Variants in FAM227B observed in about 807,000 individuals in gnomAD.
FAM227B encodes the protein protein FAM227B.
Under a neutral mutation model 73.8 loss-of-function variants are expected in FAM227B, and 88 were observed. The observed-to-expected ratio is 1.19, with a 90% CI of 1.00 to 1.42. The LOEUF is 1.42. Ranked by LOEUF, FAM227B falls within the 40% of genes most tolerant of loss-of-function variation. The pLI is 0.00. For synonymous variants in FAM227B, 210 were observed against 190.5 expected (o/e 1.10, Z -0.84); for missense variants, 632 against 590.9 (o/e 1.07, Z -0.72).
chr15:49,328,455 A>T lies in FAM227B; in HGVS notation c.*113T>A. On this transcript the variant is annotated 3_prime_UTR_variant, in exon 16 of 16. Coordinates refer to ENST00000299338, the MANE Select transcript of FAM227B (RefSeq NM_152647.3). ...ATTTTAAAGATGAATGGTAAAACACACTCTTAATACTGATTACATGGATTG... is the reference window on the plus strand; with the variant it reads ...ATTTTAAAGATGAATGGTAAAACACTCTCTTAATACTGATTACATGGATTG... The T allele has an allele frequency of 1.4e-6, 2 of 1,467,072 alleles. No individual in the cohort carries two copies. The highest frequency in any genetic ancestry group is 9.0e-7 in the Non-Finnish European group (1 of 1,109,224). 90.9% of individuals were successfully genotyped at this position (1,467,072 alleles called of 1,614,324 possible).
At chr15:49,482,823 G>A (rs1184340496) in intron 11 of FAM227B, among the ~76,000 whole-genome samples, 3 of 151,904 alleles carry the variant, frequency 2.0e-5, no homozygotes, top group East Asian at 3.9e-4. Flanking sequence ...TGTGGTATGA[G>A]TTCAATAAAC....
At chr15:49,536,152 AG>A (rs1403468232) in intron 10 of FAM227B, among the ~76,000 whole-genome samples, 2 of 151,802 alleles carry the variant, frequency 1.3e-5, no homozygotes, top group Non-Finnish European at 3.0e-5. Flanking sequence ...CTGTATTTAC[AG>A]ATGACATAAT....
intron 9 of FAM227B, among the ~76,000 whole-genome samples, chr15:49,566,015 T>C (rs2074628884): frequency 2.0e-5 from 3 of 152,210 alleles, no homozygotes; most frequent in Admixed American, 2.0e-4. Context: ...ATTTTAGCCC[T>C]GTAAGACTCA....
chr15:49,577,357 C>G (rs1010338400), intron 6 of FAM227B: 2 of 395,876 alleles, frequency 5.1e-6, no homozygotes, highest in Non-Finnish European at 9.2e-6. Context: ...AATTAAGAAC[C>G]CTAGCACATT....
At chr15:49,337,955 C>T (rs950257048) in intron 13 of FAM227B, among the ~76,000 whole-genome samples, 10 of 152,130 alleles carry the variant, frequency 6.6e-5, no homozygotes, top group Non-Finnish European at 2.9e-5. Context: ...AACACTGCCG[C>T]AATAAACATA....
chr15:49,447,540 T>C (rs140711067), intron 11 of FAM227B, among the ~76,000 whole-genome samples: 2 of 151,818 alleles, frequency 1.3e-5, no homozygotes, highest in African/African-American at 2.4e-5. Flanking sequence ...CTTGGTAGCA[T>C]ATGCGTTGAT....
At chr15:49,342,630 G>A (rs1194078649) in intron 13 of FAM227B, among the ~76,000 whole-genome samples, 3 of 152,238 alleles carry the variant, frequency 2.0e-5, no homozygotes, top group African/African-American at 7.2e-5. Flanking sequence ...AGTATCTGTG[G>A]CTATATATTC....
At chr15:49,344,773 C>T (rs1329219555) in intron 13 of FAM227B, among the ~76,000 whole-genome samples, 1 of 152,156 alleles carries the variant, frequency 6.6e-6, no homozygotes, top group Non-Finnish European at 1.5e-5. Context: ...GTCTGGCAGC[C>T]TTCAAATAAA....
At chr15:49,519,409 T>C (rs1472083574) in intron 10 of FAM227B, among the ~76,000 whole-genome samples, 1 of 152,186 alleles carries the variant, frequency 6.6e-6, no homozygotes, top group Non-Finnish European at 1.5e-5. Flanking sequence ...CCTTTCACAC[T>C]GCCCTTGCAG....
intron 11 of FAM227B, among the ~76,000 whole-genome samples, chr15:49,387,441 C>A (rs906969863): frequency 1.3e-5 from 2 of 151,300 alleles, no homozygotes; most frequent in African/African-American, 4.8e-5. Flanking sequence ...TAAACTACAG[C>A]ATCCCTTTAT....
intron 13 of FAM227B, among the ~76,000 whole-genome samples, chr15:49,357,544 G>T (rs1263194296): frequency 6.6e-6 from 1 of 151,934 alleles, no homozygotes; most frequent in African/African-American, 2.4e-5. Flanking sequence ...CCAGGAAGAA[G>T]TTGAATCTCT....
rs933921150 is a variant in FAM227B, at chr15:49,362,266, C to G, written c.1271+5182G>C. 2.0e-5 allele frequency among the ~76,000 whole-genome samples: 3 copies of G among 151,988 alleles called. 1 individual carries two copies. Among genetic ancestry groups the G allele is most frequent in the African/African-American group, 7.3e-5 (3 of 41,366 alleles). On this transcript the variant is annotated intron_variant, in intron 13 of 15. Transcript: ENST00000299338. ...TGCTGTTTTCATGATAGTGAAAGTT[C>G]TCATGAGATACGCTGGCTTAAAAGT...
intron 9 of FAM227B, among the ~76,000 whole-genome samples, chr15:49,567,157 T>TAGC: frequency 6.6e-6 from 1 of 152,290 alleles, no homozygotes; most frequent in Non-Finnish European, 1.5e-5. Context: ...AGAATATGGG[T>TAGC]AGCAGAAACA....
intron 9 of FAM227B, among the ~76,000 whole-genome samples, chr15:49,545,915 G>A (rs2071774025): frequency 6.7e-6 from 1 of 148,650 alleles, no homozygotes; most frequent in Non-Finnish European, 1.5e-5. Flanking sequence ...CCTATCATAT[G>A]ATCTCACCAG....
At chr15:49,498,889 G>A (rs188063782) in intron 11 of FAM227B, among the ~76,000 whole-genome samples, 152 of 152,222 alleles carry the variant, frequency 1.0e-3, no homozygotes, top group South Asian at 1.9e-3. Flanking sequence ...ATTACAGGCC[G>A]GGCGCGGTGG....
chr15:49,494,930 A>G (rs2057464886), intron 11 of FAM227B, among the ~76,000 whole-genome samples: 1 of 152,204 alleles, frequency 6.6e-6, no homozygotes, highest in African/African-American at 2.4e-5. Flanking sequence ...GCAAAGAGTC[A>G]TTCTAATACC....
intron 1 of FAM227B, among the ~76,000 whole-genome samples, chr15:49,615,830 G>T (rs919523150): frequency 1.3e-5 from 2 of 152,066 alleles, no homozygotes; most frequent in African/African-American, 4.8e-5. Flanking sequence ...AACAAGAAAT[G>T]GACAAGGGAA....
chr15:49,339,312 C>T (rs1469783844), intron 13 of FAM227B, among the ~76,000 whole-genome samples: 1 of 152,148 alleles, frequency 6.6e-6, no homozygotes, highest in Non-Finnish European at 1.5e-5. Context: ...TGGATGGGGT[C>T]TCTGAGTGGA....
intron 11 of FAM227B, among the ~76,000 whole-genome samples, chr15:49,446,283 T>C (rs2052203403): frequency 6.6e-6 from 1 of 151,478 alleles, no homozygotes. Flanking sequence ...ATCTAGTTCA[T>C]TAAGATTTAA....
Sources: allele counts gnomAD v4.1 joint callset (sites outside exome capture counted in the v4.1 genomes callset), GRCh38; gene constraint gnomAD v4.1.1; transcripts MANE v1.5; gene names NCBI Gene and HGNC (gene_info 2026-07-23, HGNC 2026-07-21).